Variants in TNRC6A observed in about 807,000 individuals in gnomAD.
The protein encoded by TNRC6A is trinucleotide repeat-containing gene 6A protein.
A neutral mutation model predicts 221.2 loss-of-function variants in TNRC6A; 44 were observed. The observed-to-expected ratio is 0.20, with a 90% CI of 0.16 to 0.26. The LOEUF (loss-of-function observed/expected upper bound fraction) is 0.26, where lower values mean the gene tolerates loss of function less well. Among genes scored for constraint, TNRC6A ranks in the 10% least tolerant of loss-of-function variants. TNRC6A has a pLI of 1.00. For missense variants in TNRC6A, 2,199 were observed against 2,404.4 expected, an observed-to-expected ratio of 0.91 and a Z score of 1.79; for synonymous variants, 847 against 838.5, an observed-to-expected ratio of 1.01 and a Z score of -0.18.
intron 1 of TNRC6A, among the ~76,000 whole-genome samples, chr16:24,626,874 G>T (rs1037298664): frequency 6.6e-6 from 1 of 150,560 alleles, no homozygotes; most frequent in African/African-American, 2.4e-5. Flanking sequence ...GGAAGGTCTC[G>T]ATCTCCTGAC....
chr16:24,723,587 C>T, intron 2 of TNRC6A, among the ~76,000 whole-genome samples: 1 of 64,000 alleles, frequency 1.6e-5, no homozygotes, highest in South Asian at 7.9e-4. Context: ...GAGCAAGACT[C>T]TGTCAAAAAA....
intron 2 of TNRC6A, among the ~76,000 whole-genome samples, chr16:24,658,130 A>G (rs1048893655): frequency 6.6e-6 from 1 of 151,660 alleles, no homozygotes; most frequent in African/African-American, 2.4e-5. Flanking sequence ...TTTATCTAAA[A>G]CTCCTGTGGG....
rs553991280 is a variant in TNRC6A, at chr16:24,696,591, C to T, written n.403-54135C>T. On this transcript the variant is annotated intron_variant and non_coding_transcript_variant, in intron 2 of 2. Coordinates refer to the TNRC6A transcript ENST00000566108. Reference sequence around the variant, plus strand: ...ACAAAAATTTTAAAAATTAGCCACGCGTGGTGGCTCGCCTGTGGTTCCAGC... The same window carrying T: ...ACAAAAATTTTAAAAATTAGCCACGTGTGGTGGCTCGCCTGTGGTTCCAGC... Among the ~76,000 whole-genome samples, 373 of 150,610 alleles carry T rather than the reference C, an allele frequency of 2.5e-3. 2 individuals carry two copies. Among genetic ancestry groups the T allele is most frequent in the African/African-American group, 7.4e-3 (303 of 40,994 alleles).
intron 2 of TNRC6A, among the ~76,000 whole-genome samples, chr16:24,698,164 C>CA (rs200562271): frequency 0.055 from 8,341 of 151,668 alleles, 309 homozygotes; most frequent in South Asian, 0.078. Flanking sequence ...CCCGACTCTA[C>CA]AAAAAAAATT....
At chr16:24,697,681 T>C (rs1347572036) in intron 2 of TNRC6A, among the ~76,000 whole-genome samples, 3 of 150,362 alleles carry the variant, frequency 2.0e-5, no homozygotes, top group Non-Finnish European at 3.0e-5. Context: ...GGAGACCCTG[T>C]CTCAAAAACA....
At position 24,750,710 on chromosome 16, in the gene TNRC6A, C is replaced by T; in HGVS notation, c.54-16C>T. On this transcript the variant is annotated splice_polypyrimidine_tract_variant and intron_variant, in intron 2 of 24. Transcript: ENST00000395799. The stretch of plus-strand genomic sequence containing the variant: ...TAATACATTTTGGGAAACTTAATTG[C>T]AACTGTGTGGTTCAGGGATTTAGTG... The T allele has an allele frequency of 6.7e-7, 1 of 1,500,400 alleles. No individual in the cohort carries two copies. The highest frequency in any genetic ancestry group is 2.4e-5 in the East Asian group (1 of 42,014). The allele number at this position is 1,500,400 out of a possible 1,614,324, so 92.9% of individuals were successfully genotyped here.
chr16:24,668,495 G>A (rs947886995), intron 2 of TNRC6A, among the ~76,000 whole-genome samples: 6 of 152,148 alleles, frequency 3.9e-5, no homozygotes, highest in African/African-American at 1.4e-4. Context: ...GGCTCTACCC[G>A]ACTTCCCCCA....
chr16:24,670,513 G>A (rs901708972), intron 2 of TNRC6A, among the ~76,000 whole-genome samples: 2 of 152,098 alleles, frequency 1.3e-5, no homozygotes, highest in African/African-American at 4.8e-5. Flanking sequence ...GAAGCAGTCT[G>A]GATATTTAAA....
intron 2 of TNRC6A, among the ~76,000 whole-genome samples, chr16:24,745,799 C>CG (rs1282837260): frequency 5.7e-5 from 8 of 140,280 alleles, no homozygotes; most frequent in Non-Finnish European, 3.2e-5. Context: ...GTACCATCCC[C>CG]CCCCCCCCCA....
intron 2 of TNRC6A, among the ~76,000 whole-genome samples, chr16:24,711,583 A>G (rs2056206687): frequency 6.6e-6 from 1 of 152,188 alleles, no homozygotes; most frequent in Admixed American, 6.5e-5. Flanking sequence ...TAAATCATGC[A>G]ATCTGTCCTT....
intron 1 of TNRC6A, among the ~76,000 whole-genome samples, chr16:24,617,254 T>C (rs1900405597): frequency 6.6e-6 from 1 of 151,950 alleles, no homozygotes; most frequent in African/African-American, 2.4e-5. Context: ...GCCTCCTGAG[T>C]AGCTGAGACT....
At chr16:24,693,511 C>T (rs1441944648) in intron 2 of TNRC6A, among the ~76,000 whole-genome samples, 1 of 152,084 alleles carries the variant, frequency 6.6e-6, no homozygotes, top group East Asian at 1.9e-4. Context: ...TCGCTTGAAT[C>T]CGGGAGGCAG....
At chr16:24,756,909 C>G (rs1404361475) in intron 3 of TNRC6A, among the ~76,000 whole-genome samples, 2 of 151,892 alleles carry the variant, frequency 1.3e-5, no homozygotes, top group Admixed American at 6.6e-5. Flanking sequence ...TTTTTTTAAG[C>G]CTTTCAACGT....
At chr16:24,655,458 G>A (rs1372977042) in intron 2 of TNRC6A, among the ~76,000 whole-genome samples, 1 of 152,198 alleles carries the variant, frequency 6.6e-6, no homozygotes, top group African/African-American at 2.4e-5. Flanking sequence ...GGAGGCCAAG[G>A]CGTGTGGATC....
chr16:24,623,175 T>G lies in TNRC6A; in HGVS notation n.276+12691T>G, dbSNP rs142226715. 9.2e-3 allele frequency among the ~76,000 whole-genome samples: 1,307 copies of G among 141,462 alleles called. 9 individuals carry two copies. Among genetic ancestry groups the G allele is most frequent in the Non-Finnish European group, 0.014 (951 of 66,542 alleles). The allele number at this position is 141,462 out of a possible 152,430, so 92.8% of individuals were successfully genotyped here. ...AGAATTTATTTATTTATTTATTTAT[T>G]TATTTATTTATTTATTTACTTATTT... On this transcript the variant is annotated intron_variant and non_coding_transcript_variant, in intron 1 of 2. Coordinates refer to the TNRC6A transcript ENST00000566108.
At chr16:24,712,223 A>G (rs2056218727) in intron 2 of TNRC6A, among the ~76,000 whole-genome samples, 1 of 151,226 alleles carries the variant, frequency 6.6e-6, no homozygotes, top group Non-Finnish European at 1.5e-5. Flanking sequence ...GCATGATCAT[A>G]GACCACTGCA....
At chr16:24,666,228 G>A (rs1348412181) in intron 2 of TNRC6A, among the ~76,000 whole-genome samples, 1 of 151,960 alleles carries the variant, frequency 6.6e-6, no homozygotes, top group African/African-American at 2.4e-5. Flanking sequence ...CAGTACTTTG[G>A]GAGGCCAAGG....
chr16:24,762,091 A>G (rs1402053737), intron 4 of TNRC6A, among the ~76,000 whole-genome samples: 2 of 152,216 alleles, frequency 1.3e-5, no homozygotes, highest in African/African-American at 2.4e-5. Flanking sequence ...CTAGTGGGAA[A>G]CAGCAATGGA....
chr16:24,802,114 C>G (rs1345452862), intron 11 of TNRC6A, among the ~76,000 whole-genome samples: 1 of 152,142 alleles, frequency 6.6e-6, no homozygotes, highest in African/African-American at 2.4e-5. Flanking sequence ...TTCCACTTAC[C>G]TGGAATGAGA....
Sources: gnomAD v4.1 joint callset for allele counts (sites outside exome capture counted in the v4.1 genomes callset) on GRCh38, gnomAD v4.1.1 for gene constraint, MANE v1.5 for transcripts, NCBI Gene and HGNC (gene_info 2026-07-23, HGNC 2026-07-21) for gene names.